The following PDZD2 variants were observed in gnomAD, a reference collection of about 807,000 sequenced individuals.
PDZD2 encodes the protein PDZ domain containing 2.
PDZD2 carries 90 observed loss-of-function variants against 220.7 expected under a neutral mutation model. The ratio of observed to expected loss-of-function variants is 0.41; its 90% CI spans 0.34 to 0.49. The LOEUF (loss-of-function observed/expected upper bound fraction) is 0.49, where lower values mean the gene tolerates loss of function less well. PDZD2 is among the 20% of genes least tolerant of loss of function. The pLI, the probability that PDZD2 is intolerant of heterozygous loss-of-function variation, is 0.28. For synonymous variants in PDZD2, 1,375 were observed against 1,450.5 expected, an observed-to-expected ratio of 0.95 and a Z score of 1.18; for missense variants, 3,174 against 3,608.5, an observed-to-expected ratio of 0.88 and a Z score of 3.08.
chr5:31,926,928 C>T (rs1219195652), intron 2 of PDZD2, among the ~76,000 whole-genome samples: 3 of 152,196 alleles, frequency 2.0e-5, no homozygotes, highest in Admixed American at 6.5e-5. Context: ...GCAACATGGA[C>T]GCGGCTGGAG....
At chr5:31,850,552 A>G (rs1016527245) in intron 2 of PDZD2, among the ~76,000 whole-genome samples, 13 of 151,790 alleles carry the variant, frequency 8.6e-5, no homozygotes, top group African/African-American at 2.9e-4. Flanking sequence ...GAGATTGCAC[A>G]GTGTTATCAG....
chr5:32,052,684 G>C lies in PDZD2; in HGVS notation c.1739G>C (p.Arg580Pro). 6.2e-7 allele frequency: 1 copy of C among 1,613,940 alleles called. No individual in the cohort carries two copies. Among genetic ancestry groups the C allele is most frequent in the South Asian group, 1.1e-5 (1 of 91,072 alleles). ...TQVESPWRLI[R>P]PSVISIIGLY... ...GTGGAATCTCCTTGGAGGCTCATTC[G>C]GCCATCCGTCATCTCGATCATTGGG... The change falls in exon 9 of 25, where the codon CGG becomes CCG. Residue 580 changes from arginine to proline, a missense_variant. By Grantham distance (103) the Arg-to-Pro change is moderately radical. Around this residue, in one of 4 missense-constraint regions of PDZD2, gnomAD observed 50 missense variants for 109.5 expected, o/e 0.46. Transcript: ENST00000438447.
intron 1 of PDZD2, among the ~76,000 whole-genome samples, chr5:31,732,823 G>A (rs562123180): frequency 6.6e-6 from 1 of 152,258 alleles, no homozygotes; most frequent in East Asian, 1.9e-4. Flanking sequence ...CTGCCTCCTA[G>A]GTTCAAGCAA....
At chr5:32,064,408 A>T (rs1740000261) in intron 14 of PDZD2, among the ~76,000 whole-genome samples, 2 of 151,654 alleles carry the variant, frequency 1.3e-5, no homozygotes, top group African/African-American at 2.4e-5. Flanking sequence ...CGCTCAACTA[A>T]TCTTTTGTAT....
chr5:32,040,054 C>T (rs1477164400), intron 7 of PDZD2, among the ~76,000 whole-genome samples: 15 of 147,132 alleles, frequency 1.0e-4, no homozygotes, highest in South Asian at 6.6e-4. Context: ...TGCCTCTGCC[C>T]GGCCGCCCCA....
At chr5:31,749,569 G>A (rs1375213483) in intron 1 of PDZD2, among the ~76,000 whole-genome samples, 3 of 151,960 alleles carry the variant, frequency 2.0e-5, no homozygotes, top group Non-Finnish European at 4.4e-5. Context: ...GATTACGGGC[G>A]CCCGCCACCA....
intron 2 of PDZD2, among the ~76,000 whole-genome samples, chr5:31,861,460 C>G (rs1737700487): frequency 6.6e-6 from 1 of 152,178 alleles, no homozygotes. Context: ...TAGAATTCCT[C>G]TCTACTCTAT....
In PDZD2 at chr5:31,938,230, A is replaced by G. The variant is rs185263143; in HGVS notation, c.477-44925A>G. 1.8e-4 allele frequency among the ~76,000 whole-genome samples: 27 copies of G among 152,258 alleles called. No individual in the cohort carries two copies. The East Asian group carries it at 4.4e-3, about 25-fold the overall frequency. On this transcript the variant is annotated intron_variant, in intron 2 of 24. Coordinates refer to ENST00000438447, the MANE Select transcript of PDZD2 (RefSeq NM_178140.4). ...CCCAGCACTCCACCTTGACCTGTTG[A>G]TTTTTTAATATCATTGGTGAATAAT... is the stretch of plus-strand genomic sequence containing the variant.
rs149517922 is a variant in PDZD2 at position 31,842,434 on chromosome 5, G to A, written c.476+42710G>A. On this transcript the variant is annotated intron_variant, in intron 2 of 24. Coordinates refer to ENST00000438447, the MANE Select transcript of PDZD2 (RefSeq NM_178140.4). Reference sequence around the variant, plus strand: ...ACGGCTCTGTTCTTCTCACCCGGCCGCTCATTCTGACACAGCCCATCCCCA... The same window carrying A: ...ACGGCTCTGTTCTTCTCACCCGGCCACTCATTCTGACACAGCCCATCCCCA... Among the ~76,000 whole-genome samples, 949 of 152,244 alleles carry A rather than the reference G, an allele frequency of 6.2e-3. 6 individuals are homozygous for A. The highest frequency in any genetic ancestry group is 0.022 in the African/African-American group (898 of 41,554).
intron 2 of PDZD2, among the ~76,000 whole-genome samples, chr5:31,872,186 G>T (rs1247355607): frequency 1.7e-5 from 2 of 119,070 alleles, no homozygotes; most frequent in African/African-American, 6.1e-5. Context: ...GCCCACCTGA[G>T]GCTGCTGACA....
intron 2 of PDZD2, among the ~76,000 whole-genome samples, chr5:31,932,118 G>T (rs1403913847): frequency 6.6e-6 from 1 of 152,162 alleles, no homozygotes; most frequent in African/African-American, 2.4e-5. Context: ...ACTGGGGGAT[G>T]GGAAAAGGGG....
intron 1 of PDZD2, among the ~76,000 whole-genome samples, chr5:31,641,922 G>T (rs12655335): frequency 0.028 from 4,318 of 152,162 alleles, 91 homozygotes; most frequent in East Asian, 0.087. Context: ...CCTCAGGTTA[G>T]ACAGGAAAAG....
intron 1 of PDZD2, among the ~76,000 whole-genome samples, chr5:31,642,943 T>G (rs1745004008): frequency 6.6e-6 from 1 of 152,136 alleles, no homozygotes; most frequent in Admixed American, 6.5e-5. Context: ...AAGGAAGGAC[T>G]CCTGAGTTGG....
intron 2 of PDZD2, among the ~76,000 whole-genome samples, chr5:31,898,373 A>T (rs1204661207): frequency 6.6e-6 from 1 of 152,262 alleles, no homozygotes; most frequent in African/African-American, 2.4e-5. Flanking sequence ...GTTGCCAGGG[A>T]CGGACAAAGG....
At chr5:31,775,693 G>A (rs569894824) in intron 1 of PDZD2, among the ~76,000 whole-genome samples, 4 of 148,786 alleles carry the variant, frequency 2.7e-5, no homozygotes, top group African/African-American at 9.7e-5. Context: ...GTGTGTGTGT[G>A]TGTGTGTGTG....
At position 31,940,107 on chromosome 5, in the gene PDZD2, A is replaced by G. The variant is rs1169858870; in HGVS notation, c.477-43048A>G. Among the ~76,000 whole-genome samples the G allele has an allele frequency of 3.3e-5, 5 of 152,298 alleles. 1 individual carries two copies. The South Asian group carries it at 6.2e-4, about 19-fold the overall frequency. ...TCACTTCCAAACATGAGTTCTTCAC[A>G]TTACCTACGGTGGCACTGGGGGTGG... is the stretch of plus-strand genomic sequence containing the variant. On this transcript the variant is annotated intron_variant, in intron 2 of 24. Transcript: ENST00000438447.
chr5:32,096,977 A>C (rs1473365692), intron 21 of PDZD2, among the ~76,000 whole-genome samples: 1 of 151,894 alleles, frequency 6.6e-6, no homozygotes, highest in Non-Finnish European at 1.5e-5. Flanking sequence ...CTGGGACTAC[A>C]AGTGTGCAAC....
At chr5:31,778,630 G>A (rs1049895841) in intron 1 of PDZD2, among the ~76,000 whole-genome samples, 4 of 152,104 alleles carry the variant, frequency 2.6e-5, no homozygotes, top group Admixed American at 1.3e-4. Context: ...GAACACGTCC[G>A]AACGTCAGAA....
At chr5:31,762,998 C>T (rs1000097453) in intron 1 of PDZD2, among the ~76,000 whole-genome samples, 1 of 152,172 alleles carries the variant, frequency 6.6e-6, no homozygotes, top group African/African-American at 2.4e-5. Context: ...GACTTGAAAT[C>T]AAGGTGGAGC....
Sources: allele counts gnomAD v4.1 joint callset (sites outside exome capture counted in the v4.1 genomes callset), GRCh38; gene constraint gnomAD v4.1.1; regional missense constraint gnomAD v4.1.1; transcripts MANE v1.5; gene names NCBI Gene and HGNC (gene_info 2026-07-23, HGNC 2026-07-21).